Variants in MORC2 observed in about 807,000 individuals in gnomAD.
MORC2 encodes the protein MORC family CW-type zinc finger 2, also known as ATPase MORC2.
Under a neutral mutation model 136.0 loss-of-function variants are expected in MORC2, and 30 were observed. The observed-to-expected ratio is 0.22, with a 90% CI of 0.17 to 0.30. The LOEUF (loss-of-function observed/expected upper bound fraction) is 0.30, where lower values mean the gene tolerates loss of function less well. Ranked by LOEUF, MORC2 falls within the 10% of genes least tolerant of loss-of-function variation. The pLI, the probability that MORC2 is intolerant of heterozygous loss-of-function variation, is 1.00. For missense variants in MORC2, 922 were observed against 1,333.1 expected, an observed-to-expected ratio of 0.69 and a Z score of 4.80; for synonymous variants, 439 against 487.0, an observed-to-expected ratio of 0.90 and a Z score of 1.30.
rs752625837 is a variant in MORC2 at position 30,939,991 on chromosome 22, G to A, written c.955C>T (p.Arg319Cys). Residue 319 changes from arginine (R) to cysteine (C), a missense_variant, in exon 11 of 26, where the codon CGC becomes TGC. By Grantham distance (180) the Arg-to-Cys change is radical. Around this residue, in one of 9 missense-constraint regions of MORC2, gnomAD observed 261 missense variants for 354.3 expected, o/e 0.74. Transcript: ENST00000397641. ...AESKARTLEVRLGGDLTRDSR... is the reference protein window; with the variant it reads ...AESKARTLEVCLGGDLTRDSR... ...TCCCGCGTGAGGTCTCCACCTAGGC[G>A]TACTTCTAATGTCCGAGCTTTGCTC... 6.8e-6 allele frequency: 11 copies of A among 1,613,972 alleles called. No individual in the cohort carries two copies. Among genetic ancestry groups the A allele is most frequent in the East Asian group, 2.2e-5 (1 of 44,876 alleles).
chr22:30,947,044 G>A (rs2040827661), intron 5 of MORC2, among the ~76,000 whole-genome samples: 1 of 152,214 alleles, frequency 6.6e-6, no homozygotes, highest in Non-Finnish European at 1.5e-5. Context: ...ATGAACCCAA[G>A]GCGCAGTAAT....
chr22:30,962,202 C>T (rs1451085412), intron 1 of MORC2, among the ~76,000 whole-genome samples: 2 of 147,528 alleles, frequency 1.4e-5, no homozygotes, highest in East Asian at 3.9e-4. Flanking sequence ...AGCAAAACTC[C>T]ACCTCAAAAA....
intron 1 of MORC2, among the ~76,000 whole-genome samples, chr22:30,965,626 C>A (rs536085855): frequency 2.6e-5 from 4 of 152,340 alleles, no homozygotes; most frequent in African/African-American, 7.2e-5. Flanking sequence ...AATGTTCATG[C>A]AAGCAGGTGG....
chr22:30,926,432 A>G lies in MORC2; in HGVS notation c.*371T>C, dbSNP rs2040483259. ...GGAGAAAAGTCAGCCCTGCCCCTGGAGCTTCTCCAAGATGGCACTGGACTC... is the reference window on the plus strand; with the variant it reads ...GGAGAAAAGTCAGCCCTGCCCCTGGGGCTTCTCCAAGATGGCACTGGACTC... On this transcript the variant is annotated 3_prime_UTR_variant, in exon 26 of 26. Transcript: ENST00000397641. The G allele has an allele frequency of 6.3e-6, 1 of 158,310 alleles. No individual in the cohort carries two copies. Among genetic ancestry groups the G allele is most frequent in the African/African-American group, 2.4e-5 (1 of 41,404 alleles). The allele number at this position is 158,310 out of a possible 1,614,324, so 9.8% of individuals were successfully genotyped here.
rs759328437 is a variant in MORC2, at chr22:30,932,576, C to T, written c.2716G>A (p.Glu906Lys). 9.9e-6 allele frequency: 16 copies of T among 1,613,968 alleles called. No individual in the cohort carries two copies. The East Asian group carries it at 2.2e-4, about 22-fold the overall frequency. ...PDTTALSTNH[E>K]TIDLLVQILR... ...ATCTGGACAAGCAGGTCGATGGTCT[C>T]GTGATTGGTGCTCAGGGCAGTGGTG... The change falls in exon 23 of 26, where the codon GAG becomes AAG. Residue 906 changes from glutamate (E) to lysine (K), a missense_variant. Physicochemically the swap from Glu to Lys is moderately conservative, Grantham distance 56 (BLOSUM62 1). Transcript: ENST00000397641. The surrounding 1 kb of genome is among the most constrained non-coding windows in gnomAD (Gnocchi z 4.4).
intron 2 of MORC2, among the ~76,000 whole-genome samples, chr22:30,957,928 C>G (rs1371640415): frequency 6.6e-6 from 1 of 152,208 alleles, no homozygotes; most frequent in Non-Finnish European, 1.5e-5. Flanking sequence ...TTTCATCCTC[C>G]TCTTCCTTCC....
At chr22:30,960,777 C>T (rs1048872826) in intron 1 of MORC2, among the ~76,000 whole-genome samples, 5 of 146,370 alleles carry the variant, frequency 3.4e-5, no homozygotes, top group African/African-American at 1.0e-4. Flanking sequence ...AGCCATAAGC[C>T]GCCACACCCG....
rs2040583125 is a variant in MORC2, at chr22:30,932,042, G to A, written c.2841+317C>T. 6.6e-6 allele frequency among the ~76,000 whole-genome samples: 1 copy of A among 152,254 alleles called. No individual in the cohort carries two copies. Among genetic ancestry groups the A allele is most frequent in the South Asian group, 2.1e-4 (1 of 4,836 alleles). ...CAGGTTTACTCCCTCTACTGGGGCAGAAGAAAGTGGGTATGCTTGTCATAA... is the reference window on the plus strand; with the variant it reads ...CAGGTTTACTCCCTCTACTGGGGCAAAAGAAAGTGGGTATGCTTGTCATAA... On this transcript the variant is annotated intron_variant, in intron 24 of 25. Transcript: ENST00000397641. The surrounding 1 kb of genome is among the most constrained non-coding windows in gnomAD (Gnocchi z 4.4).
At chr22:30,955,883 G>A (rs924706507) in intron 3 of MORC2, among the ~76,000 whole-genome samples, 31 of 151,794 alleles carry the variant, frequency 2.0e-4, no homozygotes, top group African/African-American at 7.0e-4. Flanking sequence ...GGTGGTGGGC[G>A]CCTGTAATCC....
At chr22:30,958,492 T>C (rs2040997911) in intron 2 of MORC2, 149 bp downstream of exon 2, 4 of 495,870 alleles carry the variant, frequency 8.1e-6, no homozygotes, top group Non-Finnish European at 1.4e-5. Flanking sequence ...CTATTAAAAA[T>C]ATTATTTTTA....
chr22:30,941,877 C>T lies in MORC2; in HGVS notation c.698+14G>A. The T allele has an allele frequency of 1.3e-6, 2 of 1,591,754 alleles. No homozygotes were observed. The highest frequency in any genetic ancestry group is 1.7e-6 in the Non-Finnish European group (2 of 1,160,390). ...CCAGTTCCAGGGCCTCCCTCCCTTC[C>T]CAGCCACACTCACGTGCCCTCTGGG... On this transcript the variant is annotated intron_variant, in intron 8 of 25. Coordinates refer to ENST00000397641, the MANE Select transcript of MORC2 (RefSeq NM_001303256.3). The surrounding 1 kb of genome is among the most constrained non-coding windows in gnomAD (Gnocchi z 4.6).
At position 30,937,051 on chromosome 22, in the gene MORC2, A is replaced by T. The variant is rs377219143; in HGVS notation, c.1499-14T>A. ...TCAGACACAAATCTGCAGAGAGCAA[A>T]AAAACCCCACATATCAGCCACGCCC... is the stretch of plus-strand genomic sequence containing the variant. On this transcript the variant is annotated splice_polypyrimidine_tract_variant and intron_variant, in intron 15 of 25. Transcript: ENST00000397641. This position sits in a 1 kb window ranked among gnomAD's most constrained non-coding sequence, Gnocchi z 4.7. 1 of 1,593,302 alleles carries T rather than the reference A, an allele frequency of 6.3e-7. No homozygotes were observed. Among genetic ancestry groups the T allele is most frequent in the African/African-American group, 1.3e-5 (1 of 74,430 alleles).
At chr22:30,939,896 C>G (rs1280574123) in intron 11 of MORC2, 63 bp downstream of exon 11, 14 of 1,538,700 alleles carry the variant, frequency 9.1e-6, no homozygotes, top group South Asian at 4.6e-5. Flanking sequence ...TGACCAGGCT[C>G]ATGGGACATG....
At chr22:30,927,775 T>C (rs561208182) in intron 25 of MORC2, among the ~76,000 whole-genome samples, 1 of 150,908 alleles carries the variant, frequency 6.6e-6, no homozygotes, top group Non-Finnish European at 1.5e-5. Flanking sequence ...GCTTGGAGGG[T>C]TCTCAAACCA....
At chr22:30,956,483 C>T (rs5753405) in intron 3 of MORC2, among the ~76,000 whole-genome samples, 1 of 152,222 alleles carries the variant, frequency 6.6e-6, no homozygotes. Flanking sequence ...ATTTCACTCT[C>T]TACTGTTCCA....
At chr22:30,929,813 G>C (rs2040546380) in intron 24 of MORC2, 1 of 152,154 alleles carries the variant, frequency 6.6e-6, no homozygotes, top group Admixed American at 6.5e-5. Flanking sequence ...CAGGACAAAG[G>C]TGATACACTG....
intron 10 of MORC2, 90 bp from the exon 11 acceptor site, chr22:30,940,131 T>C: frequency 7.8e-7 from 1 of 1,279,684 alleles, no homozygotes. Context: ...ACACGAAGTG[T>C]GTACACCACC....
In MORC2 at chr22:30,939,982, C is replaced by T; in HGVS notation, c.964G>A (p.Gly322Arg). The T allele has an allele frequency of 6.2e-7, 1 of 1,614,048 alleles. No homozygotes were observed. The highest frequency in any genetic ancestry group is 8.5e-7 in the Non-Finnish European group (1 of 1,180,038). Residue 322 changes from glycine to arginine, a missense_variant, in exon 11 of 26, where the codon GGA becomes AGA. This residue lies in a region of MORC2 where 261 missense variants were observed against 354.3 expected (regional missense o/e 0.74). Transcript: ENST00000397641. ...ACCCTGGAGTCCCGCGTGAGGTCTCCACCTAGGCGTACTTCTAATGTCCGA... is the reference window on the plus strand; with the variant it reads ...ACCCTGGAGTCCCGCGTGAGGTCTCTACCTAGGCGTACTTCTAATGTCCGA... ...KARTLEVRLGGDLTRDSRVML... is the reference protein window; with the variant it reads ...KARTLEVRLGRDLTRDSRVML...
At chr22:30,964,287 G>A (rs574053206) in intron 1 of MORC2, among the ~76,000 whole-genome samples, 4 of 152,120 alleles carry the variant, frequency 2.6e-5, no homozygotes, top group African/African-American at 7.2e-5. Context: ...AACCTGGGAG[G>A]TGGAGGTTGC....
Sources: gnomAD v4.1 joint callset for allele counts (sites outside exome capture counted in the v4.1 genomes callset) on GRCh38, gnomAD v4.1.1 for gene constraint, gnomAD v4.1.1 regional missense constraint, Gnocchi (gnomAD v3.1) non-coding constraint, MANE v1.5 for transcripts, NCBI Gene and HGNC (gene_info 2026-07-23, HGNC 2026-07-21) for gene names.